Variants in FLT3 observed in about 807,000 individuals in gnomAD.
FLT3 encodes fms related receptor tyrosine kinase 3.
A neutral mutation model predicts 126.6 loss-of-function variants in FLT3; 46 were observed. The observed-to-expected ratio is 0.36, with a 90% CI of 0.29 to 0.46. The LOEUF is 0.46. Among genes scored for constraint, FLT3 ranks in the 20% least tolerant of loss-of-function variants. The probability of loss-of-function intolerance (pLI) is 1.00; values close to 1 mark genes in which losing one functional copy is unlikely to be tolerated. For synonymous variants in FLT3, 404 were observed against 434.4 expected (o/e 0.93, Z 0.87); for missense variants, 1,069 against 1,190.3 (o/e 0.90, Z 1.50).
chr13:28,078,715 C>CTT (rs757678538), intron 1 of FLT3, among the ~76,000 whole-genome samples: 2 of 60,516 alleles, frequency 3.3e-5, no homozygotes, highest in Non-Finnish European at 4.5e-5. Flanking sequence ...TTTTTCTTTT[C>CTT]TTTTTTTTTT....
chr13:28,049,506 G>T lies in FLT3; in HGVS notation c.914C>A (p.Thr305Lys). The T allele has an allele frequency of 6.2e-7, 1 of 1,613,884 alleles. No individual in the cohort carries two copies. The highest frequency in any genetic ancestry group is 1.3e-5 in the African/African-American group (1 of 75,050). The change falls in exon 8 of 24, where the codon ACA becomes AAA. Residue 305 changes from threonine to lysine, a missense_variant. Transcript: ENST00000241453. ...GNYFEMSTYS[T>K]NRTMIRILFA... ...CAGAATCCGTATCATAGTTCTGTTT[G>T]TTGAATAGGTACTCATCTCAAAGTA... is the stretch of plus-strand genomic sequence containing the variant.
intron 20 of FLT3, among the ~76,000 whole-genome samples, chr13:28,017,022 A>G (rs895899232): frequency 3.3e-5 from 5 of 152,160 alleles, no homozygotes; most frequent in Non-Finnish European, 7.4e-5. Context: ...TGGTTAGCAC[A>G]GACTCGGGGC....
In FLT3 at chr13:28,027,799, C is replaced by T. The variant is rs536534103; in HGVS notation, c.2053+379G>A. 2.0e-4 allele frequency among the ~76,000 whole-genome samples: 30 copies of T among 152,310 alleles called. No homozygotes were observed. The South Asian group carries it at 2.9e-3, about 15-fold the overall frequency. Reference sequence around the variant, plus strand: ...GTCTGATATCCTAGCTAGGCTGTGCCGTATTTGACGGCAGCCCAACTGGGG... The same window carrying T: ...GTCTGATATCCTAGCTAGGCTGTGCTGTATTTGACGGCAGCCCAACTGGGG... On this transcript the variant is annotated intron_variant, in intron 16 of 23. Transcript: ENST00000241453.
intron 1 of FLT3, among the ~76,000 whole-genome samples, chr13:28,094,157 C>T (rs1249443683): frequency 6.6e-6 from 1 of 152,148 alleles, no homozygotes; most frequent in Non-Finnish European, 1.5e-5. Flanking sequence ...GAAAACAGCA[C>T]GTTTCTTAAA....
intron 1 of FLT3, among the ~76,000 whole-genome samples, chr13:28,074,398 T>A (rs1416734176): frequency 6.6e-6 from 1 of 152,228 alleles, no homozygotes; most frequent in Non-Finnish European, 1.5e-5. Flanking sequence ...AATATGGATA[T>A]ATACTTTCAT....
intron 23 of FLT3, among the ~76,000 whole-genome samples, chr13:28,005,271 G>A (rs571543477): frequency 1.4e-3 from 211 of 152,248 alleles, no homozygotes; most frequent in Non-Finnish European, 2.5e-3. Context: ...GGAGGCTGCA[G>A]TGAGCCTAGA....
chr13:28,028,435 G>A, intron 15 of FLT3, 147 bp from the exon 16 acceptor site: 1 of 600,472 alleles, frequency 1.7e-6, no homozygotes, highest in Non-Finnish European at 3.0e-6. Flanking sequence ...GGTGGGTCAT[G>A]CCTGTAATCC....
rs567749700 is a variant in FLT3 at position 28,093,946 on chromosome 13, G to A, written c.43+6522C>T. 5.9e-5 allele frequency among the ~76,000 whole-genome samples: 9 copies of A among 152,168 alleles called. No homozygotes were observed. The South Asian group carries it at 6.2e-4, about 11-fold the overall frequency. ...AGGAGGGAGGGAATTAAAAAAGAAG[G>A]GAGGGAAGGAGAGAGGCAGGCAAAT... On this transcript the variant is annotated intron_variant, in intron 1 of 23. Coordinates refer to ENST00000241453, the MANE Select transcript of FLT3 (RefSeq NM_004119.3).
chr13:28,074,562 G>A (rs775357051), intron 1 of FLT3, among the ~76,000 whole-genome samples: 3 of 152,202 alleles, frequency 2.0e-5, no homozygotes, highest in Middle Eastern at 3.4e-3. Flanking sequence ...TCACATCCTC[G>A]CTAACATTTG....
chr13:28,051,547 CTT>C (rs757834414), intron 5 of FLT3, among the ~76,000 whole-genome samples: 19 of 89,886 alleles, frequency 2.1e-4, no homozygotes, highest in Admixed American at 4.8e-4. Context: ...TATAATTTCC[CTT>C]TTTTTTTTTT....
chr13:28,019,883 C>A (rs1045022102), intron 19 of FLT3, among the ~76,000 whole-genome samples: 3 of 152,166 alleles, frequency 2.0e-5, no homozygotes, highest in African/African-American at 7.2e-5. Flanking sequence ...CACGAGCCTA[C>A]TCTCACTCCT....
At chr13:28,058,207 T>TAAA (rs57780867) in intron 3 of FLT3, among the ~76,000 whole-genome samples, 104,093 of 127,614 alleles carry the variant, frequency 0.82, 45,016 homozygotes, top group Non-Finnish European at 0.95. Flanking sequence ...TTTTAAAAAT[T>TAAA]AAAAAAAAAA....
intron 1 of FLT3, among the ~76,000 whole-genome samples, chr13:28,084,585 A>G (rs933068634): frequency 6.6e-6 from 1 of 151,864 alleles, no homozygotes; most frequent in South Asian, 2.1e-4. Flanking sequence ...ATTTTTTTCT[A>G]ATTTTTGTAG....
Position 28,014,381 on chromosome 13 carries a change from A to G in FLT3, c.2859+71T>C. 14 of 1,131,656 alleles carry G rather than the reference A, an allele frequency of 1.2e-5. No homozygotes were observed. The South Asian group carries it at 1.7e-4, about 13-fold the overall frequency. 70.1% of individuals were successfully genotyped at this position (1,131,656 alleles called of 1,614,324 possible). A position where few individuals can be genotyped will look rare whatever the true frequency, so the allele number is the denominator to read the frequency against. ...CAACTTGGTACCTTTGGTTCACAGG[A>G]AGACAGCAACAAGTGTTTTAATTTA... is the stretch of plus-strand genomic sequence containing the variant. On this transcript the variant is annotated intron_variant, in intron 23 of 23. Transcript: ENST00000241453.
chr13:28,012,886 G>A (rs920399934), intron 23 of FLT3, among the ~76,000 whole-genome samples: 1 of 151,760 alleles, frequency 6.6e-6, no homozygotes, highest in Non-Finnish European at 1.5e-5. Context: ...GCAGTGAGCT[G>A]AGATCATTCC....
At position 28,049,640 on chromosome 13, in the gene FLT3, C is replaced by G. The variant is rs530568732; in HGVS notation, c.877G>C (p.Glu293Gln). 1 of 1,614,108 alleles carries G rather than the reference C, an allele frequency of 6.2e-7. No individual in the cohort carries two copies. Among genetic ancestry groups the G allele is most frequent in the Non-Finnish European group, 8.5e-7 (1 of 1,179,986 alleles). ...LTWELENKAL[E>Q]EGNYFEMSTY... is the part of the protein sequence containing the mutation. The stretch of plus-strand genomic sequence containing the variant: ...ATACAAACTTGTCCTATTACCTCCT[C>G]GAGTGCTTTGTTTTCTAATTCCCAG... Residue 293 changes from glutamate (E) to glutamine (Q), a missense_variant, in exon 7 of 24, where the codon GAG becomes CAG. Physicochemically the swap from Glu to Gln is conservative, Grantham distance 29. Transcript: ENST00000241453.
At chr13:28,044,797 C>T (rs997934259) in intron 9 of FLT3, among the ~76,000 whole-genome samples, 1 of 152,124 alleles carries the variant, frequency 6.6e-6, no homozygotes, top group African/African-American at 2.4e-5. Flanking sequence ...TGCTAAGAAC[C>T]ATGTGCATGG....
At chr13:28,083,522 C>T (rs1035153963) in intron 1 of FLT3, among the ~76,000 whole-genome samples, 5 of 152,090 alleles carry the variant, frequency 3.3e-5, no homozygotes, top group Admixed American at 6.6e-5. Flanking sequence ...TGAGAAGTGT[C>T]GCCTTCTCTT....
chr13:28,042,187 AT>A (rs1874455309), intron 9 of FLT3, among the ~76,000 whole-genome samples: 1 of 145,424 alleles, frequency 6.9e-6, no homozygotes, highest in East Asian at 2.0e-4. Context: ...AATAATAATA[AT>A]AAATAAAAAT....
Sources: gnomAD v4.1 joint callset for allele counts (sites outside exome capture counted in the v4.1 genomes callset) on GRCh38, gnomAD v4.1.1 for gene constraint, MANE v1.5 for transcripts, NCBI Gene and HGNC (gene_info 2026-07-23, HGNC 2026-07-21) for gene names.